Variants in STPG2 observed in about 807,000 individuals in gnomAD.
STPG2 encodes sperm tail PG-rich repeat containing 2.
A neutral mutation model predicts 54.2 loss-of-function variants in STPG2; 56 were observed. That is an observed-to-expected ratio of 1.03 (90% CI 0.83 to 1.29). STPG2 has a LOEUF of 1.29. Among genes scored for constraint, STPG2 ranks in the 50% most tolerant of loss-of-function variants. The probability of loss-of-function intolerance (pLI) is 0.00; values close to 1 mark genes in which losing one functional copy is unlikely to be tolerated. For synonymous variants in STPG2, 200 were observed against 181.8 expected (o/e 1.10, Z -0.81); for missense variants, 596 against 544.9 (o/e 1.09, Z -0.93).
chr4:97,858,168 G>A (rs777294494), intron 8 of STPG2, among the ~76,000 whole-genome samples: 1 of 151,990 alleles, frequency 6.6e-6, no homozygotes, highest in Admixed American at 6.6e-5. Context: ...AAATCTAGAG[G>A]AGATAACAAC....
intron 5 of STPG2, among the ~76,000 whole-genome samples, chr4:98,082,526 A>C (rs1738379878): frequency 8.4e-6 from 1 of 119,754 alleles, no homozygotes; most frequent in Admixed American, 1.2e-4. Context: ...ATCTCGGCTC[A>C]CTGCAAGCTC....
At chr4:97,892,755 A>C (rs1730820362) in intron 8 of STPG2, among the ~76,000 whole-genome samples, 1 of 152,202 alleles carries the variant, frequency 6.6e-6, no homozygotes, top group Non-Finnish European at 1.5e-5. Flanking sequence ...TGGTCTCACC[A>C]GTATTTTATG....
rs575492538 is a variant in STPG2 at position 97,837,681 on chromosome 4, CT to C, written c.1204+3091del. Among the ~76,000 whole-genome samples the C allele has an allele frequency of 2.4e-3, 358 of 151,740 alleles. 2 individuals are homozygous for C. The highest frequency in any genetic ancestry group is 4.1e-3 in the Admixed American group (62 of 15,166). On this transcript the variant is annotated intron_variant, in intron 9 of 10. Transcript: ENST00000295268. ...CTGAGTCTAGATGTACTATTTCCTT[CT>C]TTAATTTAGACTAATGAAAATGAGT...
chr4:97,470,280 T>C (rs1003055616), intron 4 of STPG2, among the ~76,000 whole-genome samples: 4 of 152,138 alleles, frequency 2.6e-5, no homozygotes, highest in African/African-American at 9.6e-5. Context: ...CACAGCTGAC[T>C]GAGACTGGAG....
intron 4 of STPG2, among the ~76,000 whole-genome samples, chr4:97,487,197 T>C (rs1431004138): frequency 6.7e-6 from 1 of 148,638 alleles, no homozygotes; most frequent in African/African-American, 2.5e-5. Context: ...CAATAACCTA[T>C]GGAAAAAAAA....
At chr4:97,954,876 A>G (rs1317927336) in intron 7 of STPG2, among the ~76,000 whole-genome samples, 3 of 152,198 alleles carry the variant, frequency 2.0e-5, no homozygotes, top group African/African-American at 7.2e-5. Context: ...TCAAGAGAAA[A>G]AAAACATAAA....
At chr4:97,612,218 AC>A (rs1232868622) in intron 10 of STPG2, among the ~76,000 whole-genome samples, 2 of 149,954 alleles carry the variant, frequency 1.3e-5, no homozygotes, top group Admixed American at 6.8e-5. Flanking sequence ...TAAACAAGAT[AC>A]ATTTTCTTGT....
At chr4:98,119,409 T>C (rs528185026) in intron 3 of STPG2, among the ~76,000 whole-genome samples, 1 of 151,970 alleles carries the variant, frequency 6.6e-6, no homozygotes, top group South Asian at 2.1e-4. Flanking sequence ...AGAAGACAAA[T>C]ACTGAAGAAC....
chr4:97,781,064 C>T (rs1726589948), intron 9 of STPG2, among the ~76,000 whole-genome samples: 1 of 151,710 alleles, frequency 6.6e-6, no homozygotes, highest in Non-Finnish European at 1.5e-5. Flanking sequence ...TAGCAGAAGG[C>T]AAGAAATAAC....
intron 10 of STPG2, among the ~76,000 whole-genome samples, chr4:97,642,626 A>G (rs1247471320): frequency 2.6e-5 from 4 of 151,516 alleles, no homozygotes; most frequent in African/African-American, 9.7e-5. Context: ...CATAAAGATC[A>G]TGGTAAAATT....
chr4:97,963,987 G>A lies in STPG2; in HGVS notation c.933+8293C>T, dbSNP rs1157854547. Among the ~76,000 whole-genome samples the A allele has an allele frequency of 2.6e-5, 4 of 152,052 alleles. No homozygotes were observed. The East Asian group carries it at 5.8e-4, about 22-fold the overall frequency. On this transcript the variant is annotated intron_variant, in intron 7 of 10. Coordinates refer to ENST00000295268, the MANE Select transcript of STPG2 (RefSeq NM_174952.3). ...GAGGAGGCTATCAGATGCACCACTG[G>A]GACCTGTGGGAGCAAAATATAATAA... is the stretch of plus-strand genomic sequence containing the variant.
At chr4:97,929,839 G>A (rs528924189) in intron 8 of STPG2, among the ~76,000 whole-genome samples, 7 of 152,200 alleles carry the variant, frequency 4.6e-5, no homozygotes, top group African/African-American at 1.7e-4. Flanking sequence ...TGCTCACTCT[G>A]TTGATAGTTT....
intron 9 of STPG2, among the ~76,000 whole-genome samples, chr4:97,804,627 G>C (rs1167540500): frequency 6.6e-6 from 1 of 152,078 alleles, no homozygotes; most frequent in African/African-American, 2.4e-5. Context: ...GTAGGCTAAG[G>C]TTAATTTATT....
chr4:97,921,813 C>T (rs965552716), intron 8 of STPG2, among the ~76,000 whole-genome samples: 3 of 152,144 alleles, frequency 2.0e-5, no homozygotes, highest in African/African-American at 4.8e-5. Context: ...AAAAGTGGCA[C>T]ATATATACAA....
intron 9 of STPG2, among the ~76,000 whole-genome samples, chr4:97,822,950 C>A (rs1236982610): frequency 1.3e-5 from 2 of 152,158 alleles, no homozygotes; most frequent in African/African-American, 2.4e-5. Context: ...CAGAGAAAGA[C>A]CCTAATTATC....
chr4:98,069,049 T>G (rs1270119208), intron 5 of STPG2, among the ~76,000 whole-genome samples: 6 of 152,114 alleles, frequency 3.9e-5, no homozygotes, highest in Non-Finnish European at 5.9e-5. Flanking sequence ...AATTTCAGAA[T>G]TTAAGTAACC....
At chr4:97,471,207 G>T (rs1729917968) in intron 4 of STPG2, among the ~76,000 whole-genome samples, 1 of 152,090 alleles carries the variant, frequency 6.6e-6, no homozygotes, top group African/African-American at 2.4e-5. Flanking sequence ...TTTACTTTGG[G>T]TAAGTAACTA....
intron 9 of STPG2, among the ~76,000 whole-genome samples, chr4:97,728,117 C>T (rs1356883728): frequency 6.6e-6 from 1 of 151,720 alleles, no homozygotes; most frequent in Non-Finnish European, 1.5e-5. Context: ...AAGTATGAAC[C>T]AAAGAATTCT....
intron 10 of STPG2, among the ~76,000 whole-genome samples, chr4:97,647,636 G>C (rs1721947875): frequency 6.6e-6 from 1 of 152,106 alleles, no homozygotes; most frequent in Non-Finnish European, 1.5e-5. Flanking sequence ...AGGGGCTACA[G>C]TCTACTCAAG....
Sources: gnomAD v4.1 joint callset for allele counts (sites outside exome capture counted in the v4.1 genomes callset) on GRCh38, gnomAD v4.1.1 for gene constraint, MANE v1.5 for transcripts, NCBI Gene and HGNC (gene_info 2026-07-23, HGNC 2026-07-21) for gene names.